Variants in PPFIA1 observed in about 807,000 individuals in gnomAD.
The protein encoded by PPFIA1 is PPFI scaffold protein A1, also known as liprin-alpha-1.
In PPFIA1, 25 loss-of-function variants were observed where a neutral mutation model predicts 149.9. That is an observed-to-expected ratio of 0.17 (90% CI 0.12 to 0.23). PPFIA1 has a LOEUF of 0.23. PPFIA1 is among the 10% of genes least tolerant of loss of function. The probability of loss-of-function intolerance (pLI) is 1.00; values close to 1 mark genes in which losing one functional copy is unlikely to be tolerated. For synonymous variants in PPFIA1, 549 were observed against 552.8 expected (o/e 0.99, Z 0.10); for missense variants, 1,362 against 1,506.5 (o/e 0.90, Z 1.59).
chr11:70,369,032 C>T (rs1378885376), intron 21 of PPFIA1, among the ~76,000 whole-genome samples: 3 of 151,764 alleles, frequency 2.0e-5, no homozygotes, highest in African/African-American at 7.3e-5. Context: ...TCAAGTGACC[C>T]GCCCACCTCT....
At chr11:70,336,128 C>T (rs1377764364) in intron 11 of PPFIA1, among the ~76,000 whole-genome samples, 1 of 152,144 alleles carries the variant, frequency 6.6e-6, no homozygotes, top group African/African-American at 2.4e-5. Context: ...TGGTTTTGGC[C>T]GTCAGGTTCT....
chr11:70,335,181 C>G (rs939490817), intron 10 of PPFIA1, among the ~76,000 whole-genome samples: 3 of 152,178 alleles, frequency 2.0e-5, no homozygotes, highest in African/African-American at 4.8e-5. Flanking sequence ...CACCCTTCCT[C>G]CCCAAATCCA....
At chr11:70,295,656 C>T (rs1162315771) in intron 2 of PPFIA1, among the ~76,000 whole-genome samples, 8 of 145,318 alleles carry the variant, frequency 5.5e-5, no homozygotes, top group Admixed American at 1.3e-4. Context: ...CCCCTCACCT[C>T]CCGGACGGGG....
intron 2 of PPFIA1, among the ~76,000 whole-genome samples, chr11:70,296,229 C>A (rs1002535794): frequency 6.6e-6 from 1 of 151,550 alleles, no homozygotes; most frequent in Non-Finnish European, 1.5e-5. Flanking sequence ...CTCCTAACAT[C>A]CCAGACGATG....
intron 2 of PPFIA1, among the ~76,000 whole-genome samples, chr11:70,301,652 TGAATTAATA>T (rs1363286205): frequency 6.6e-6 from 1 of 152,216 alleles, no homozygotes; most frequent in South Asian, 2.1e-4. Context: ...GGAAAGTGCT[TGAATTAATA>T]GGGGTACTTG....
chr11:70,382,455 G>T (rs1254098366), intron 27 of PPFIA1, among the ~76,000 whole-genome samples: 1 of 152,044 alleles, frequency 6.6e-6, no homozygotes, highest in Non-Finnish European at 1.5e-5. Flanking sequence ...GGGGTGGAGT[G>T]GGGAGGAGAG....
At chr11:70,314,087 C>T (rs1278828542) in intron 2 of PPFIA1, among the ~76,000 whole-genome samples, 3 of 152,144 alleles carry the variant, frequency 2.0e-5, no homozygotes, top group Admixed American at 6.5e-5. Flanking sequence ...GGACACCGGC[C>T]GGATCAGGCA....
intron 26 of PPFIA1, among the ~76,000 whole-genome samples, chr11:70,379,530 A>G (rs1370162176): frequency 6.6e-6 from 1 of 151,868 alleles, no homozygotes; most frequent in Non-Finnish European, 1.5e-5. Context: ...TAATCCTAGC[A>G]CTTTGATAGG....
chr11:70,315,678 G>GTTTTTTTTTTTTT lies in PPFIA1; in HGVS notation c.265-8711_265-8699dup, dbSNP rs71049904. On this transcript the variant is annotated intron_variant, in intron 2 of 27. Coordinates refer to ENST00000253925, the MANE Select transcript of PPFIA1 (RefSeq NM_003626.5). ...GCCTTCTGTGAAGTTCTTTTTTTCT[G>GTTTTTTTTTTTTT]TTTTTTTTTTTTTTTTTTTTTTTTT... 6.8e-3 allele frequency among the ~76,000 whole-genome samples: 492 copies of GTTTTTTTTTTTTT among 72,828 alleles called. 1 individual carries two copies. The highest frequency in any genetic ancestry group is 0.015 in the Middle Eastern group (1 of 68). The allele number at this position is 72,828 out of a possible 152,430, so 47.8% of individuals were successfully genotyped here. A position where few individuals can be genotyped will look rare whatever the true frequency, so the allele number is the denominator to read the frequency against.
chr11:70,367,628 AG>A (rs2057012402), intron 21 of PPFIA1: 2 of 454,718 alleles, frequency 4.4e-6, no homozygotes, highest in South Asian at 3.1e-5. Flanking sequence ...CCAGGAGAAG[AG>A]GTGGGTCTCC....
intron 2 of PPFIA1, among the ~76,000 whole-genome samples, chr11:70,317,157 A>T (rs1021723956): frequency 2.6e-5 from 4 of 151,480 alleles, no homozygotes; most frequent in East Asian, 1.9e-4. Context: ...TAAACTTAAC[A>T]TTTTTTTTTC....
chr11:70,307,227 G>A (rs1450981476), intron 2 of PPFIA1, among the ~76,000 whole-genome samples: 2 of 152,110 alleles, frequency 1.3e-5, no homozygotes, highest in African/African-American at 4.8e-5. Flanking sequence ...TTATCTTACT[G>A]GTATAGATGC....
intron 16 of PPFIA1, among the ~76,000 whole-genome samples, chr11:70,351,884 G>T (rs1591311556): frequency 6.6e-6 from 1 of 152,316 alleles, no homozygotes; most frequent in East Asian, 1.9e-4. Context: ...ACAGAAGGAG[G>T]TCCAAGGCCA....
In PPFIA1 at chr11:70,372,323, A is replaced by G. The variant is rs1000846667; in HGVS notation, c.2974A>G (p.Arg992Gly). 4 of 1,614,098 alleles carry G rather than the reference A, an allele frequency of 2.5e-6. No homozygotes were observed. The highest frequency in any genetic ancestry group is 1.7e-5 in the Admixed American group (1 of 60,002). Reference sequence around the variant, plus strand: ...CTTCATGGAGTGCCTTGTAGACGCCAGGATGCTGGACCACTTGACCAAGAA... The same window carrying G: ...CTTCATGGAGTGCCTTGTAGACGCCGGGATGCTGGACCACTTGACCAAGAA... ...SYFMECLVDA[R>G]MLDHLTKKDL... Residue 992 changes from arginine (R) to glycine (G), a missense_variant, in exon 22 of 28, where the codon AGG becomes GGG. Around this residue, in one of 7 missense-constraint regions of PPFIA1, gnomAD observed 349 missense variants for 373.3 expected, o/e 0.93. Transcript: ENST00000253925.
At chr11:70,293,134 A>C (rs1294140100) in intron 2 of PPFIA1, among the ~76,000 whole-genome samples, 2 of 152,264 alleles carry the variant, frequency 1.3e-5, no homozygotes, top group Non-Finnish European at 2.9e-5. Flanking sequence ...GATGCATCCT[A>C]GAATGATGAA....
At chr11:70,377,654 ACT>A (rs2057541690) in intron 25 of PPFIA1, among the ~76,000 whole-genome samples, 1 of 152,140 alleles carries the variant, frequency 6.6e-6, no homozygotes, top group Non-Finnish European at 1.5e-5. Flanking sequence ...ACAGATCTAG[ACT>A]CTGTCTGTAA....
intron 2 of PPFIA1, among the ~76,000 whole-genome samples, chr11:70,297,129 C>T (rs1010835370): frequency 1.3e-5 from 2 of 152,220 alleles, no homozygotes; most frequent in African/African-American, 2.4e-5. Context: ...CCAGAGAGGC[C>T]GGGCACGGTG....
intron 16 of PPFIA1, chr11:70,350,065 A>G (rs2055960791): frequency 2.5e-6 from 1 of 407,626 alleles, no homozygotes. Context: ...TGTGTGTTCG[A>G]TCATGTTTGT....
intron 23 of PPFIA1, among the ~76,000 whole-genome samples, 177 bp downstream of exon 23, chr11:70,372,751 C>G (rs1000815550): frequency 1.3e-5 from 2 of 152,200 alleles, no homozygotes; most frequent in African/African-American, 4.8e-5. Flanking sequence ...TTGAGATTCT[C>G]TTCCACAGCT....
Sources: gnomAD v4.1 joint callset for allele counts (sites outside exome capture counted in the v4.1 genomes callset) on GRCh38, gnomAD v4.1.1 for gene constraint, gnomAD v4.1.1 regional missense constraint, MANE v1.5 for transcripts, NCBI Gene and HGNC (gene_info 2026-07-23, HGNC 2026-07-21) for gene names.